Variants in ZBTB20 observed in about 807,000 individuals in gnomAD.
ZBTB20 encodes zinc finger and BTB domain-containing protein 20.
A neutral mutation model predicts 56.9 loss-of-function variants in ZBTB20; 9 were observed. That is an observed-to-expected ratio of 0.16 (90% CI 0.10 to 0.28). The LOEUF (loss-of-function observed/expected upper bound fraction) is 0.28, where lower values mean the gene tolerates loss of function less well. Among genes scored for constraint, ZBTB20 ranks in the 10% least tolerant of loss-of-function variants. The probability of loss-of-function intolerance (pLI) is 1.00; values close to 1 mark genes in which losing one functional copy is unlikely to be tolerated. For synonymous variants in ZBTB20, 417 were observed against 420.7 expected, an observed-to-expected ratio of 0.99 and a Z score of 0.11; for missense variants, 655 against 1,003.0, an observed-to-expected ratio of 0.65 and a Z score of 4.69.
intron 6 of ZBTB20, among the ~76,000 whole-genome samples, chr3:114,681,223 G>A (rs1025905773): frequency 6.7e-5 from 10 of 149,042 alleles, no homozygotes; most frequent in African/African-American, 2.0e-4. Context: ...GCAGTGGTGC[G>A]ATCTTGGCTC....
chr3:114,457,038 T>C (rs1337391678), intron 7 of ZBTB20, among the ~76,000 whole-genome samples: 1 of 152,170 alleles, frequency 6.6e-6, no homozygotes, highest in East Asian at 1.9e-4. Context: ...CGGCCTACAG[T>C]TGACTGATTT....
chr3:114,657,072 C>G (rs1334421217), intron 6 of ZBTB20, among the ~76,000 whole-genome samples: 1 of 152,126 alleles, frequency 6.6e-6, no homozygotes, highest in Non-Finnish European at 1.5e-5. Context: ...TCACATTTTT[C>G]TGTATCCATC....
intron 5 of ZBTB20, among the ~76,000 whole-genome samples, chr3:114,712,520 G>C (rs984448939): frequency 2.0e-5 from 3 of 151,940 alleles, no homozygotes; most frequent in African/African-American, 7.3e-5. Flanking sequence ...GGGTGTGGTG[G>C]CGCATGCCTG....
At chr3:115,071,563 G>A (rs2082410113) in intron 1 of ZBTB20, among the ~76,000 whole-genome samples, 149 bp from the exon 2 acceptor site, 1 of 152,180 alleles carries the variant, frequency 6.6e-6, no homozygotes, top group Non-Finnish European at 1.5e-5. Context: ...CCATGTTTAT[G>A]CTGTTTCTTT....
intron 3 of ZBTB20, among the ~76,000 whole-genome samples, chr3:114,968,345 T>G (rs371680071): frequency 2.6e-5 from 4 of 152,208 alleles, no homozygotes; most frequent in African/African-American, 9.6e-5. Flanking sequence ...CCTCAAATTA[T>G]AACCTTAAAA....
intron 5 of ZBTB20, among the ~76,000 whole-genome samples, chr3:114,783,791 CAAAA>C (rs5851935): frequency 7.6e-6 from 1 of 131,020 alleles, no homozygotes. Flanking sequence ...GACTCTGCCT[CAAAA>C]AAAAAAAAAA....
intron 1 of ZBTB20, among the ~76,000 whole-genome samples, chr3:115,088,190 G>A (rs1267195605): frequency 2.6e-5 from 4 of 151,946 alleles, no homozygotes; most frequent in Admixed American, 1.3e-4. Flanking sequence ...TAAAGGGGAC[G>A]TTCTACAAAA....
At chr3:115,062,519 G>A (rs112111516) in intron 2 of ZBTB20, among the ~76,000 whole-genome samples, 4,641 of 152,126 alleles carry the variant, frequency 0.031, 86 homozygotes, top group South Asian at 0.039. Flanking sequence ...GGAGGTTTAA[G>A]GATATCTGCT....
At chr3:114,904,869 G>A (rs1410941574) in intron 3 of ZBTB20, among the ~76,000 whole-genome samples, 7 of 151,928 alleles carry the variant, frequency 4.6e-5, no homozygotes, top group East Asian at 1.9e-4. Context: ...GGTAAACACC[G>A]TTAACCCAAC....
In ZBTB20 at chr3:115,014,075, T is replaced by C. The variant is rs2079839733; in HGVS notation, c.-506-39659A>G. On this transcript the variant is annotated intron_variant, in intron 2 of 11. Coordinates refer to ENST00000675478, the MANE Select transcript of ZBTB20 (RefSeq NM_001348800.3). The stretch of plus-strand genomic sequence containing the variant: ...AGTATTTAAACAGAATGCAGTACTA[T>C]TCAGCCATAAACAGAATGAGATCCT... Among the ~76,000 whole-genome samples, 9 of 151,770 alleles carry C rather than the reference T, an allele frequency of 5.9e-5. No individual in the cohort carries two copies. The South Asian group carries it at 1.9e-3, about 31-fold the overall frequency.
chr3:114,813,013 C>T (rs1241719926), intron 4 of ZBTB20, among the ~76,000 whole-genome samples: 3 of 152,214 alleles, frequency 2.0e-5, no homozygotes, highest in African/African-American at 7.2e-5. Context: ...CGCGCGCAGC[C>T]CCGGTTCCCG....
chr3:114,328,444 CT>C lies in ZBTB20; in HGVS notation c.*10560del, dbSNP rs930682234. On this transcript the variant is annotated 3_prime_UTR_variant, in exon 12 of 12. Transcript: ENST00000675478. ...GTGGAAACAGTCAACATTAATGATT[CT>C]TTTTTTCTCCGTCAAAAGTGATTTA... The C allele has an allele frequency of 1.3e-5, 2 of 151,798 alleles. No homozygotes were observed. Among genetic ancestry groups the C allele is most frequent in the Non-Finnish European group, 2.9e-5 (2 of 67,950 alleles). 9.4% of individuals were successfully genotyped at this position (151,798 alleles called of 1,614,324 possible). A position where few individuals can be genotyped will look rare whatever the true frequency, so the allele number is the denominator to read the frequency against.
At chr3:114,649,971 G>A (rs1466143192) in intron 6 of ZBTB20, among the ~76,000 whole-genome samples, 1 of 151,838 alleles carries the variant, frequency 6.6e-6, no homozygotes, top group Non-Finnish European at 1.5e-5. Context: ...CTTTTGAGAA[G>A]CTACTCCAGA....
At chr3:114,941,570 G>A (rs1376917997) in intron 3 of ZBTB20, among the ~76,000 whole-genome samples, 1 of 146,176 alleles carries the variant, frequency 6.8e-6, no homozygotes, top group Non-Finnish European at 1.5e-5. Context: ...TGATGAGCAG[G>A]GCAAAAGTGA....
Position 114,333,405 on chromosome 3 carries a change from C to G in ZBTB20, c.*5600G>C, listed in dbSNP as rs1357996094. ...TTGCCCCATGTAATCTATTTCCTGG[C>G]TACCTAAGAGAACAGCCGTTTTCTT... On this transcript the variant is annotated 3_prime_UTR_variant, in exon 12 of 12. Transcript: ENST00000675478. The G allele has an allele frequency of 6.6e-6, 1 of 152,186 alleles. No individual in the cohort carries two copies. Among genetic ancestry groups the G allele is most frequent in the Non-Finnish European group, 1.5e-5 (1 of 68,050 alleles). The allele number at this position is 152,186 out of a possible 1,614,324, so 9.4% of individuals were successfully genotyped here.
At chr3:114,559,988 A>G (rs1439689756) in intron 6 of ZBTB20, among the ~76,000 whole-genome samples, 3 of 152,210 alleles carry the variant, frequency 2.0e-5, no homozygotes, top group African/African-American at 7.2e-5. Flanking sequence ...CTTAGGCACC[A>G]GACAGACAAT....
intron 7 of ZBTB20, among the ~76,000 whole-genome samples, chr3:114,393,104 G>A (rs781145719): frequency 2.0e-5 from 3 of 152,170 alleles, no homozygotes; most frequent in Admixed American, 6.5e-5. Context: ...GCCATGCTAC[G>A]CATTGAGACA....
chr3:114,893,959 G>A (rs967962256), intron 4 of ZBTB20, among the ~76,000 whole-genome samples: 1 of 152,116 alleles, frequency 6.6e-6, no homozygotes, highest in Non-Finnish European at 1.5e-5. Flanking sequence ...TAAACACGTC[G>A]GCAGTCAGTG....
intron 10 of ZBTB20, among the ~76,000 whole-genome samples, chr3:114,378,031 C>A (rs893458702): frequency 6.6e-6 from 1 of 151,726 alleles, no homozygotes; most frequent in Non-Finnish European, 1.5e-5. Flanking sequence ...TAAATAGGAA[C>A]TGAATATTTT....
Sources: allele counts gnomAD v4.1 joint callset (sites outside exome capture counted in the v4.1 genomes callset), GRCh38; gene constraint gnomAD v4.1.1; transcripts MANE v1.5; gene names NCBI Gene and HGNC (gene_info 2026-07-23, HGNC 2026-07-21).